RELCH: variants seen among roughly 807,000 people sequenced by gnomAD.
RELCH encodes RAB11-binding protein RELCH.
Under a neutral mutation model 150.3 loss-of-function variants are expected in RELCH, and 41 were observed. The ratio of observed to expected loss-of-function variants is 0.27; its 90% CI spans 0.21 to 0.35. The LOEUF is 0.35. Among genes scored for constraint, RELCH ranks in the 10% least tolerant of loss-of-function variants. The probability of loss-of-function intolerance (pLI) is 1.00; values close to 1 mark genes in which losing one functional copy is unlikely to be tolerated. For missense variants in RELCH, 1,092 were observed against 1,467.8 expected (o/e 0.74, Z 4.18); for synonymous variants, 478 against 531.8 (o/e 0.90, Z 1.39).
At chr18:62,261,747 A>G (rs757979209) in intron 16 of RELCH, 89 bp downstream of exon 16, 197 of 1,098,930 alleles carry the variant, frequency 1.8e-4, no homozygotes, top group Non-Finnish European at 2.4e-4. Context: ...TCTAAAAATC[A>G]CTTTATATGA....
At chr18:62,241,241 C>A (rs1045571884) in intron 10 of RELCH, among the ~76,000 whole-genome samples, 3 of 152,074 alleles carry the variant, frequency 2.0e-5, no homozygotes, top group African/African-American at 7.2e-5. Flanking sequence ...CCTTTCTTTA[C>A]CCACAACTGT....
chr18:62,226,621 A>C (rs17069626), intron 5 of RELCH, among the ~76,000 whole-genome samples: 1 of 151,990 alleles, frequency 6.6e-6, no homozygotes, highest in African/African-American at 2.4e-5. Flanking sequence ...AACATGTTTT[A>C]TGATGTCATG....
chr18:62,207,413 T>C (rs1433500027), intron 1 of RELCH, among the ~76,000 whole-genome samples: 1 of 152,256 alleles, frequency 6.6e-6, no homozygotes, highest in Non-Finnish European at 1.5e-5. Context: ...TGGACAGATA[T>C]TTAGTTGTTT....
At chr18:62,299,797 T>G (rs2045585374) in intron 28 of RELCH, among the ~76,000 whole-genome samples, 1 of 152,188 alleles carries the variant, frequency 6.6e-6, no homozygotes, top group South Asian at 2.1e-4. Flanking sequence ...CAGCTTCAAT[T>G]TCATCCATAC....
At chr18:62,286,549 A>T (rs991738757) in intron 25 of RELCH, among the ~76,000 whole-genome samples, 2 of 152,006 alleles carry the variant, frequency 1.3e-5, no homozygotes, top group African/African-American at 2.4e-5. Context: ...TCAGCAGTTG[A>T]TGCTTATGGG....
At chr18:62,241,250 G>A (rs554982128) in intron 10 of RELCH, among the ~76,000 whole-genome samples, 6 of 151,988 alleles carry the variant, frequency 3.9e-5, no homozygotes, top group Non-Finnish European at 5.9e-5. Context: ...ACCCACAACT[G>A]TCTTGGCAAA....
chr18:62,255,400 G>T lies in RELCH; in HGVS notation c.1825-7G>T. The T allele has an allele frequency of 6.3e-7, 1 of 1,594,046 alleles. No individual in the cohort carries two copies. The stretch of plus-strand genomic sequence containing the variant: ...TATGCTTGATTTATTTATTTTTTTT[G>T]CTCTAGATTAATCACAAATACCCAG... On this transcript the variant is annotated splice_region_variant and splice_polypyrimidine_tract_variant and intron_variant, in intron 12 of 28. Coordinates refer to ENST00000644646, the MANE Select transcript of RELCH (RefSeq NM_001346231.2).
chr18:62,228,782 CTAAAT>C lies in RELCH; in HGVS notation c.1448+195_1448+199del, dbSNP rs1242506196. 5.3e-5 allele frequency among the ~76,000 whole-genome samples: 8 copies of C among 152,108 alleles called. No homozygotes were observed. In the East Asian group the frequency reaches 9.7e-4, roughly 18 times the overall value. On this transcript the variant is annotated intron_variant, in intron 8 of 28. Transcript: ENST00000644646. ...AAAAAAGTCACAAAATTATTAGTTA[CTAAAT>C]TAAATTAAATCAAAAAGGAATTACC...
At chr18:62,243,029 A>C (rs2042227850) in intron 10 of RELCH, among the ~76,000 whole-genome samples, 1 of 152,108 alleles carries the variant, frequency 6.6e-6, no homozygotes, top group Non-Finnish European at 1.5e-5. Flanking sequence ...TAAAATTATT[A>C]GGGCTTTTCT....
At chr18:62,222,946 C>T (rs530932700) in intron 5 of RELCH, among the ~76,000 whole-genome samples, 8 of 151,696 alleles carry the variant, frequency 5.3e-5, no homozygotes, top group African/African-American at 1.9e-4. Context: ...AAGATGAAAA[C>T]AAAACATATC....
intron 1 of RELCH, among the ~76,000 whole-genome samples, chr18:62,195,275 ACACT>A (rs777642067): frequency 3.5e-4 from 45 of 129,850 alleles, no homozygotes; most frequent in East Asian, 1.1e-3. Flanking sequence ...GAATATACAC[ACACT>A]CTGTGTGTGT....
intron 12 of RELCH, among the ~76,000 whole-genome samples, chr18:62,253,219 G>T (rs1381673471): frequency 6.7e-6 from 1 of 149,766 alleles, no homozygotes; most frequent in East Asian, 2.0e-4. Flanking sequence ...GATGCAACAA[G>T]AACAAAGGCC....
intron 8 of RELCH, among the ~76,000 whole-genome samples, chr18:62,230,762 C>T (rs900516480): frequency 6.6e-6 from 1 of 152,034 alleles, no homozygotes; most frequent in African/African-American, 2.4e-5. Context: ...TTATATATAT[C>T]TGCAAAGCTT....
At chr18:62,256,632 A>G (rs2043005438) in intron 13 of RELCH, among the ~76,000 whole-genome samples, 1 of 151,944 alleles carries the variant, frequency 6.6e-6, no homozygotes, top group African/African-American at 2.4e-5. Context: ...CCCCATTGTC[A>G]CTGATAGCAG....
At chr18:62,248,451 G>T (rs1249201420) in intron 11 of RELCH, among the ~76,000 whole-genome samples, 1 of 152,110 alleles carries the variant, frequency 6.6e-6, no homozygotes, top group Non-Finnish European at 1.5e-5. Context: ...CCAAATTTTT[G>T]TAATAAGCAG....
intron 5 of RELCH, among the ~76,000 whole-genome samples, chr18:62,223,033 A>G (rs2040982197): frequency 6.6e-6 from 1 of 152,032 alleles, no homozygotes; most frequent in African/African-American, 2.4e-5. Context: ...GGAAAGAAAA[A>G]AATTCAAATC....
intron 10 of RELCH, among the ~76,000 whole-genome samples, chr18:62,236,955 C>T (rs1009171986): frequency 1.3e-5 from 2 of 151,572 alleles, no homozygotes; most frequent in African/African-American, 2.4e-5. Context: ...CCTCTGAGTA[C>T]TGCTTTTGCT....
intron 28 of RELCH, chr18:62,300,033 T>C (rs1324928231): frequency 6.6e-6 from 1 of 152,244 alleles, no homozygotes; most frequent in Non-Finnish European, 1.5e-5. Context: ...ATGAGTTCTG[T>C]ACATTGTAGT....
intron 15 of RELCH, among the ~76,000 whole-genome samples, chr18:62,260,921 T>C (rs1009763471): frequency 9.2e-5 from 14 of 151,426 alleles, no homozygotes; most frequent in African/African-American, 3.2e-4. Flanking sequence ...TCTGGGGGAG[T>C]AATGAACAGA....
Sources: allele counts gnomAD v4.1 joint callset (sites outside exome capture counted in the v4.1 genomes callset), GRCh38; gene constraint gnomAD v4.1.1; transcripts MANE v1.5; gene names NCBI Gene and HGNC (gene_info 2026-07-23, HGNC 2026-07-21).